The following ZNF30 variants were observed in gnomAD, a reference collection of about 807,000 sequenced individuals.
ZNF30 encodes the protein zinc finger protein 30.
In ZNF30, 15 loss-of-function variants were observed where a neutral mutation model predicts 13.2. The ratio of observed to expected loss-of-function variants is 1.13; its 90% confidence interval spans 0.76 to 1.75. The LOEUF (loss-of-function observed/expected upper bound fraction) is 1.75, where lower values mean the gene tolerates loss of function less well. Among genes scored for constraint, ZNF30 ranks in the 40% most tolerant of loss-of-function variants. The pLI is 0.00. For synonymous variants in ZNF30, 223 were observed against 256.6 expected, an observed-to-expected ratio of 0.87 and a Z score of 1.25; for missense variants, 726 against 757.0, an observed-to-expected ratio of 0.96 and a Z score of 0.48.
rs193053478 is a variant in ZNF30, at chr19:34,942,164, C to T, written c.257-1059C>T. 3.4e-3 allele frequency among the ~76,000 whole-genome samples: 516 copies of T among 152,126 alleles called. 2 individuals carry two copies. Among genetic ancestry groups the T allele is most frequent in the Admixed American group, 0.015 (227 of 15,262 alleles). ...CGATTATTTCTTTTGTATAGAAGGC[C>T]GGACTCATTGGCTCACACCTGTAAT... On this transcript the variant is annotated intron_variant, in intron 4 of 4. Transcript: ENST00000601142.
chr19:34,937,033 C>A (rs536983385), intron 4 of ZNF30, among the ~76,000 whole-genome samples: 4 of 151,890 alleles, frequency 2.6e-5, no homozygotes, highest in Admixed American at 2.6e-4. Flanking sequence ...TTGTTTGAGA[C>A]GGAGTTTCAC....
upstream of ZNF30, among the ~76,000 whole-genome samples, chr19:34,924,917 A>G (rs1301373990): frequency 2.0e-5 from 3 of 152,248 alleles, no homozygotes; most frequent in Non-Finnish European, 4.4e-5. Flanking sequence ...ACTAATTCCA[A>G]TAAGGCTAAA....
chr19:34,927,832 T>C (rs1363655240), intron 1 of ZNF30, among the ~76,000 whole-genome samples: 3 of 152,338 alleles, frequency 2.0e-5, no homozygotes, highest in African/African-American at 7.2e-5. Flanking sequence ...ATTTGTTTGT[T>C]TTTAAAGAAG....
intron 4 of ZNF30, among the ~76,000 whole-genome samples, chr19:34,935,553 G>A (rs569213355): frequency 3.9e-4 from 60 of 152,210 alleles, no homozygotes; most frequent in African/African-American, 1.4e-3. Context: ...AGGTCTGTCA[G>A]ACACCCCACA....
chr19:34,943,315 C>A lies in ZNF30; in HGVS notation c.349C>A (p.Gln117Lys). 6.2e-7 allele frequency: 1 copy of A among 1,613,870 alleles called. No individual in the cohort carries two copies. ...SFALHQKISR[Q>K]KPRECQEYGK... is the part of the protein sequence containing the mutation. ...TGCTCTACATCAGAAAATAAGTAGA[C>A]AGAAACCACGTGAATGTCAGGAATA... The change falls in exon 5 of 5, where the codon CAG becomes AAG. Residue 117 changes from glutamine (Q) to lysine (K), a missense_variant. By Grantham distance (53) the Gln-to-Lys change is moderately conservative. Coordinates refer to ENST00000601142, the MANE Select transcript of ZNF30 (RefSeq NM_194325.3).
At chr19:34,941,865 AG>A (rs141150277) in intron 4 of ZNF30, among the ~76,000 whole-genome samples, 7,306 of 152,258 alleles carry the variant, frequency 0.048, 550 homozygotes, top group African/African-American at 0.17. Flanking sequence ...AATATATCAA[AG>A]GAGGCAATGT....
In ZNF30 at chr19:34,944,163, C is replaced by G. The variant is rs752915942; in HGVS notation, c.1197C>G (p.Pro399=). 6.2e-7 allele frequency: 1 copy of G among 1,613,192 alleles called. No homozygotes were observed. The highest frequency in any genetic ancestry group is 1.3e-5 in the African/African-American group (1 of 75,018). The change falls in exon 5 of 5, where the codon CCC becomes CCG. Residue 399 remains proline, a synonymous_variant. Coordinates refer to ENST00000601142, the MANE Select transcript of ZNF30 (RefSeq NM_194325.3). ...GAAGACTTCACACTGGCGAGAAGCC[C>G]TATGAATGTAAGGAGTGTGGCAAGG... The part of the protein sequence containing the change: ...QHGRLHTGEK[P]YECKECGKAF...
At chr19:34,941,673 G>GAT (rs2013056164) in intron 4 of ZNF30, among the ~76,000 whole-genome samples, 1 of 152,186 alleles carries the variant, frequency 6.6e-6, no homozygotes, top group Non-Finnish European at 1.5e-5. Flanking sequence ...GTGATCCTAG[G>GAT]AGATAACAGG....
intron 2 of ZNF30, 103 bp from the exon 3 acceptor site, chr19:34,931,740 A>G: frequency 8.3e-7 from 1 of 1,200,758 alleles, no homozygotes; most frequent in Non-Finnish European, 1.2e-6. Context: ...CCACATCATA[A>G]GCTTCCAGCC....
chr19:34,925,877 T>C (rs1172067037), upstream of ZNF30, among the ~76,000 whole-genome samples: 1 of 151,752 alleles, frequency 6.6e-6, no homozygotes, highest in Non-Finnish European at 1.5e-5. Flanking sequence ...GTGGGCTTAA[T>C]AAGAACAGAG....
intron 4 of ZNF30, among the ~76,000 whole-genome samples, chr19:34,934,422 C>A (rs985973559): frequency 1.3e-5 from 2 of 152,102 alleles, no homozygotes; most frequent in Admixed American, 6.6e-5. Context: ...CACCACCACA[C>A]CTGGCTAATT....
chr19:34,927,847 G>T (rs1028373740), intron 1 of ZNF30, among the ~76,000 whole-genome samples: 3 of 152,120 alleles, frequency 2.0e-5, no homozygotes, highest in Non-Finnish European at 2.9e-5. Context: ...AAGAAGAGTT[G>T]CTCTTAATTT....
In ZNF30 at chr19:34,944,684, G is replaced by T. The variant is rs778670909; in HGVS notation, c.1718G>T (p.Cys573Phe). Residue 573 changes from cysteine (C) to phenylalanine (F), a missense_variant, in exon 5 of 5, where the codon TGC (cysteine) becomes TTC (phenylalanine). By Grantham distance (205) the Cys-to-Phe change is radical (BLOSUM62 -2). Transcript: ENST00000601142. ...GAGAAACCTTTTGAATGTAAGGAAT[G>T]CGGGAAGGCCTTTAGACTTAATTCA... ...TGEKPFECKECGKAFRLNSFL... is the reference protein window; with the variant it reads ...TGEKPFECKEFGKAFRLNSFL... 6.2e-7 allele frequency: 1 copy of T among 1,612,442 alleles called. No individual in the cohort carries two copies. The highest frequency in any genetic ancestry group is 8.5e-7 in the Non-Finnish European group (1 of 1,178,796).
chr19:34,934,609 A>C (rs1157015724), intron 4 of ZNF30, among the ~76,000 whole-genome samples: 1 of 152,192 alleles, frequency 6.6e-6, no homozygotes, highest in Non-Finnish European at 1.5e-5. Flanking sequence ...CTATGACCTA[A>C]TTTACATTTT....
At chr19:34,937,867 C>T (rs1248949642) in intron 4 of ZNF30, among the ~76,000 whole-genome samples, 2 of 152,124 alleles carry the variant, frequency 1.3e-5, no homozygotes, top group African/African-American at 4.8e-5. Flanking sequence ...GGTGCAATCT[C>T]GGCTCACTGC....
Position 34,929,909 on chromosome 19 carries a change from C to A in ZNF30, c.-39C>A, listed in dbSNP as rs2012351534. ...CTTTTGAACTTCTCAGATAGAGGAA[C>A]CCCAGTGAAGACTGATCAGTTCTTA... On this transcript the variant is annotated 5_prime_UTR_variant, in exon 2 of 5. Transcript: ENST00000601142. 4 of 1,589,280 alleles carry A rather than the reference C, an allele frequency of 2.5e-6. 1 individual carries two copies. The South Asian group carries it at 4.7e-5, about 19-fold the overall frequency.
chr19:34,941,893 T>C (rs2546017), intron 4 of ZNF30, among the ~76,000 whole-genome samples: 90,527 of 151,968 alleles, frequency 0.6, 29,329 homozygotes, highest in African/African-American at 0.87. Flanking sequence ...TATCAGCAGA[T>C]ATCTAATGTC....
intron 4 of ZNF30, among the ~76,000 whole-genome samples, chr19:34,935,665 C>T (rs1441717870): frequency 6.8e-6 from 1 of 146,718 alleles, no homozygotes; most frequent in African/African-American, 2.5e-5. Flanking sequence ...TTGAGGGTAC[C>T]TCTTCATGTA....
chr19:34,935,804 T>C (rs977436495), intron 4 of ZNF30, among the ~76,000 whole-genome samples: 2 of 150,842 alleles, frequency 1.3e-5, no homozygotes, highest in East Asian at 2.0e-4. Context: ...ACTTCCACCA[T>C]TGTGGTAGTC....
Sources: gnomAD v4.1 joint callset for allele counts (sites outside exome capture counted in the v4.1 genomes callset) on GRCh38, gnomAD v4.1.1 for gene constraint, MANE v1.5 for transcripts, NCBI Gene and HGNC (gene_info 2026-07-23, HGNC 2026-07-21) for gene names.